The following LHPP variants were observed in gnomAD, a reference collection of about 807,000 sequenced individuals.
LHPP encodes the protein hLHPP.
Under a neutral mutation model 30.3 loss-of-function variants are expected in LHPP, and 24 were observed. The ratio of observed to expected loss-of-function variants is 0.79; its 90% confidence interval spans 0.57 to 1.11. The LOEUF (loss-of-function observed/expected upper bound fraction) is 1.11, where lower values mean the gene tolerates loss of function less well. LHPP is among the 50% of genes most tolerant of loss of function. The pLI is 0.00. For synonymous variants in LHPP, 150 were observed against 157.1 expected (o/e 0.95, Z 0.34); for missense variants, 356 against 367.2 (o/e 0.97, Z 0.25).
intron 6 of LHPP, among the ~76,000 whole-genome samples, chr10:124,550,690 A>T (rs976919849): frequency 2.6e-5 from 4 of 152,176 alleles, no homozygotes; most frequent in Admixed American, 1.3e-4. Flanking sequence ...ACCTTGGCTG[A>T]TCGTGGGGAA....
intron 5 of LHPP, among the ~76,000 whole-genome samples, chr10:124,505,333 T>C (rs1190171295): frequency 6.6e-6 from 1 of 152,214 alleles, no homozygotes; most frequent in Non-Finnish European, 1.5e-5. Flanking sequence ...AGGACCTCTC[T>C]TGCTGCTGAA....
rs1217078550 is a variant in LHPP at position 124,510,195 on chromosome 10, G to T, written c.625-6985G>T. 2.0e-5 allele frequency among the ~76,000 whole-genome samples: 3 copies of T among 152,152 alleles called. No individual in the cohort carries two copies. The highest frequency in any genetic ancestry group is 4.1e-4 in the South Asian group (2 of 4,830). Reference sequence around the variant, plus strand: ...GAGTATTTTTATTTCCCCTGACAGCGCACCTCCTGACCTCTATCTTCTTGC... The same window carrying T: ...GAGTATTTTTATTTCCCCTGACAGCTCACCTCCTGACCTCTATCTTCTTGC... On this transcript the variant is annotated intron_variant, in intron 5 of 6. Coordinates refer to ENST00000368842, the MANE Select transcript of LHPP (RefSeq NM_022126.4). This position sits in a 1 kb window ranked among gnomAD's most constrained non-coding sequence, Gnocchi z 4.0.
intron 6 of LHPP, among the ~76,000 whole-genome samples, chr10:124,603,686 A>G (rs2362510): frequency 0.61 from 91,921 of 151,676 alleles, 28,061 homozygotes; most frequent in East Asian, 0.78. Flanking sequence ...TCGCCTCGGC[A>G]CTGATGTGGC....
intron 5 of LHPP, among the ~76,000 whole-genome samples, chr10:124,515,130 G>A (rs1323164540): frequency 5.3e-5 from 8 of 152,160 alleles, no homozygotes; most frequent in Non-Finnish European, 1.0e-4. Flanking sequence ...CTCTAATTGC[G>A]TGTACATCAG....
intron 6 of LHPP, among the ~76,000 whole-genome samples, chr10:124,568,335 C>A (rs1467472494): frequency 6.6e-6 from 1 of 152,176 alleles, no homozygotes; most frequent in Admixed American, 6.5e-5. Context: ...AGCTCCGGAT[C>A]GAGAAGCAGG....
chr10:124,508,374 G>T (rs547127545), intron 5 of LHPP, among the ~76,000 whole-genome samples: 1 of 152,324 alleles, frequency 6.6e-6, no homozygotes, highest in African/African-American at 2.4e-5. Context: ...ATGGGCCCAG[G>T]ACGGGGGTCA....
At chr10:124,469,607 C>T (rs1455351765) in intron 1 of LHPP, among the ~76,000 whole-genome samples, 1 of 152,092 alleles carries the variant, frequency 6.6e-6, no homozygotes, top group African/African-American at 2.4e-5. Flanking sequence ...ATTAAAGATG[C>T]ATGCACACAC....
intron 5 of LHPP, among the ~76,000 whole-genome samples, chr10:124,500,077 A>G (rs995214602): frequency 2.6e-5 from 4 of 152,014 alleles, no homozygotes; most frequent in Non-Finnish European, 5.9e-5. Flanking sequence ...ACATACAGAA[A>G]AGTAGAGAGA....
chr10:124,498,882 CTTTTT>C, intron 5 of LHPP: 10 of 193,274 alleles, frequency 5.2e-5, no homozygotes, highest in Non-Finnish European at 6.1e-5. Context: ...GCCTGGCAAA[CTTTTT>C]TTTTTTTTTT....
At chr10:124,564,830 A>G (rs536447456) in intron 6 of LHPP, among the ~76,000 whole-genome samples, 36 of 152,336 alleles carry the variant, frequency 2.4e-4, no homozygotes, top group African/African-American at 6.3e-4. Context: ...AAGTTATACC[A>G]TATATTTAAA....
chr10:124,493,956 G>T (rs1416475175), intron 3 of LHPP: 1 of 152,122 alleles, frequency 6.6e-6, no homozygotes, highest in Non-Finnish European at 1.5e-5. Context: ...AATGAATAAG[G>T]AATAAAGAAA....
At chr10:124,521,333 C>T (rs1954607811) in intron 6 of LHPP, among the ~76,000 whole-genome samples, 1 of 152,270 alleles carries the variant, frequency 6.6e-6, no homozygotes, top group African/African-American at 2.4e-5. Flanking sequence ...CCTCGCCCTT[C>T]CAGGGCCACC....
chr10:124,465,799 G>C (rs918079586), intron 1 of LHPP, among the ~76,000 whole-genome samples: 3 of 152,242 alleles, frequency 2.0e-5, no homozygotes, highest in Non-Finnish European at 4.4e-5. Context: ...CTGGCTTCAA[G>C]TGATTCACCC....
chr10:124,602,066 A>G (rs1949030260), intron 6 of LHPP, among the ~76,000 whole-genome samples: 1 of 152,248 alleles, frequency 6.6e-6, no homozygotes. Flanking sequence ...ACCCCTGCCT[A>G]CAGGCCTCCG....
chr10:124,527,806 G>A (rs1037038868), intron 6 of LHPP, among the ~76,000 whole-genome samples: 42 of 151,620 alleles, frequency 2.8e-4, no homozygotes, highest in Admixed American at 2.4e-3. Context: ...TTTGAGATGC[G>A]GTCTTGTTCT....
chr10:124,522,726 C>CGCCCA (rs1954638978), intron 6 of LHPP, among the ~76,000 whole-genome samples: 2 of 127,636 alleles, frequency 1.6e-5, no homozygotes, highest in Admixed American at 9.1e-5. Context: ...TGCCCACGCC[C>CGCCCA]CCCCCCAAGC....
chr10:124,575,650 C>G (rs1948648081), intron 6 of LHPP, among the ~76,000 whole-genome samples: 1 of 152,168 alleles, frequency 6.6e-6, no homozygotes, highest in African/African-American at 2.4e-5. Context: ...GTCTGCAGGA[C>G]TGGCTGGCCC....
At chr10:124,551,723 G>A (rs116815685) in intron 6 of LHPP, among the ~76,000 whole-genome samples, 2,465 of 152,232 alleles carry the variant, frequency 0.016, 70 homozygotes, top group African/African-American at 0.057. Context: ...GGCCCCCCGG[G>A]AAGAAGACCC....
At chr10:124,513,145 A>G (rs1234145376) in intron 5 of LHPP, among the ~76,000 whole-genome samples, 1 of 152,108 alleles carries the variant, frequency 6.6e-6, no homozygotes, top group Non-Finnish European at 1.5e-5. Flanking sequence ...GCTGGAGTGC[A>G]ATGGTTGCAA....
Sources: allele counts gnomAD v4.1 joint callset (sites outside exome capture counted in the v4.1 genomes callset), GRCh38; gene constraint gnomAD v4.1.1; non-coding constraint Gnocchi (gnomAD v3.1); transcripts MANE v1.5; gene names NCBI Gene and HGNC (gene_info 2026-07-23, HGNC 2026-07-21).